MYO3A: variants seen among roughly 807,000 people sequenced by gnomAD.
MYO3A encodes myosin IIIA, also known as myosin-IIIa.
Under a neutral mutation model 192.7 loss-of-function variants are expected in MYO3A, and 180 were observed. That is an observed-to-expected ratio of 0.93 (90% CI 0.83 to 1.06). The LOEUF (loss-of-function observed/expected upper bound fraction) is 1.06, where lower values mean the gene tolerates loss of function less well. Among genes scored for constraint, MYO3A ranks in the 50% least tolerant of loss-of-function variants. The probability of loss-of-function intolerance (pLI) is 0.00; values close to 1 mark genes in which losing one functional copy is unlikely to be tolerated. For synonymous variants in MYO3A, 628 were observed against 645.3 expected (o/e 0.97, Z 0.41); for missense variants, 1,896 against 1,905.0 (o/e 1.00, Z 0.09).
intron 10 of MYO3A, among the ~76,000 whole-genome samples, chr10:26,034,240 A>G (rs1040273851): frequency 2.0e-5 from 3 of 152,300 alleles, no homozygotes; most frequent in East Asian, 1.9e-4. Flanking sequence ...AGTTGGTCCC[A>G]ACTTTGTTTA....
intron 9 of MYO3A, 80 bp from the exon 10 acceptor site, chr10:26,026,297 G>C (rs369203608): frequency 4.0e-6 from 6 of 1,518,852 alleles, no homozygotes; most frequent in South Asian, 3.5e-5. Context: ...TCGTGTGTTA[G>C]ATTAATTTTT....
chr10:26,140,721 A>G (rs1291122909), intron 20 of MYO3A, among the ~76,000 whole-genome samples: 1 of 151,876 alleles, frequency 6.6e-6, no homozygotes, highest in Non-Finnish European at 1.5e-5. Flanking sequence ...ACAAGGGACA[A>G]CTTTGTCCAG....
chr10:26,201,450 G>A (rs1843667015), intron 33 of MYO3A, 145 bp downstream of exon 33: 1 of 443,948 alleles, frequency 2.3e-6, no homozygotes, highest in African/African-American at 2.1e-5. Context: ...GGAGGCCGAG[G>A]CGGGTGGATC....
At chr10:25,968,747 T>G (rs1838416854) in intron 4 of MYO3A, among the ~76,000 whole-genome samples, 1 of 152,254 alleles carries the variant, frequency 6.6e-6, no homozygotes, top group African/African-American at 2.4e-5. Context: ...ATTCACATTT[T>G]CAGTTGTGTG....
At chr10:25,940,808 T>A (rs181368271) in intron 2 of MYO3A, among the ~76,000 whole-genome samples, 329 of 152,328 alleles carry the variant, frequency 2.2e-3, no homozygotes, top group African/African-American at 7.3e-3. Context: ...TTCCTCTGTA[T>A]GTAATAACTC....
chr10:26,205,463 C>CTTTT (rs759042803), intron 34 of MYO3A, among the ~76,000 whole-genome samples: 3 of 98,708 alleles, frequency 3.0e-5, no homozygotes, highest in East Asian at 3.1e-4. Context: ...GTGTGCTTGT[C>CTTTT]TTTTTTTTTT....
At chr10:26,055,910 G>C (rs1844287621) in intron 10 of MYO3A, among the ~76,000 whole-genome samples, 2 of 152,136 alleles carry the variant, frequency 1.3e-5, no homozygotes. Flanking sequence ...CTATTTATTG[G>C]AGTTACTTTT....
intron 23 of MYO3A, 37 bp from the exon 24 acceptor site, chr10:26,153,813 T>A (rs1395195871): frequency 7.5e-7 from 1 of 1,327,518 alleles, no homozygotes; most frequent in Non-Finnish European, 1.1e-6. Context: ...CATTAAGGAT[T>A]CTAAAAGGTA....
chr10:26,058,401 T>C (rs1045458557), intron 10 of MYO3A, among the ~76,000 whole-genome samples: 21 of 152,368 alleles, frequency 1.4e-4, no homozygotes, highest in African/African-American at 4.3e-4. Context: ...AGGACATCTT[T>C]GTTGCTTCCA....
At chr10:25,970,589 A>T (rs1838574943) in intron 4 of MYO3A, among the ~76,000 whole-genome samples, 1 of 139,152 alleles carries the variant, frequency 7.2e-6, no homozygotes, top group African/African-American at 2.6e-5. Flanking sequence ...TAATAAAGAT[A>T]ATAGTAGAAA....
At position 26,120,792 on chromosome 10, in the gene MYO3A, C is replaced by T. The variant is rs576387395; in HGVS notation, c.1893C>T (p.Ala631=). 83 of 1,613,896 alleles carry T rather than the reference C, an allele frequency of 5.1e-5. No individual in the cohort carries two copies. The highest frequency in any genetic ancestry group is 6.7e-5 in the Non-Finnish European group (79 of 1,179,950). The change falls in exon 18 of 35, where the codon GCC becomes GCT. Residue 631 remains alanine (A), a synonymous_variant. Transcript: ENST00000642920. ...AGAGCCACATTTCTAATCATACAGCCCTGGAGAACTGTAAGTTTTATTACC... is the reference window on the plus strand; with the variant it reads ...AGAGCCACATTTCTAATCATACAGCTCTGGAGAACTGTAAGTTTTATTACC... The part of the protein sequence containing the change: ...IDKSHISNHT[A]LENCASLLCI...
At position 26,026,912 on chromosome 10, in the gene MYO3A, G is replaced by A. The variant is rs559563375; in HGVS notation, c.953+380G>A. ...GAGACAGGGTTTCACTGTGTAGCCAGGATGGTCTCGATCTCCTGACCTTGT... is the reference window on the plus strand; with the variant it reads ...GAGACAGGGTTTCACTGTGTAGCCAAGATGGTCTCGATCTCCTGACCTTGT... On this transcript the variant is annotated intron_variant, in intron 10 of 34. Transcript: ENST00000642920. 1.8e-4 allele frequency among the ~76,000 whole-genome samples: 28 copies of A among 152,260 alleles called. 1 individual carries two copies. The highest frequency in any genetic ancestry group is 6.7e-4 in the African/African-American group (28 of 41,546).
chr10:25,971,791 A>G (rs60617605), intron 4 of MYO3A, among the ~76,000 whole-genome samples: 1 of 151,882 alleles, frequency 6.6e-6, no homozygotes, highest in African/African-American at 2.4e-5. Flanking sequence ...TAGGCTTTCA[A>G]CCTTTTTACT....
At position 26,174,411 on chromosome 10, in the gene MYO3A, C is replaced by T. The variant is rs772271324; in HGVS notation, c.4147C>T (p.Pro1383Ser). 2 of 1,614,168 alleles carry T rather than the reference C, an allele frequency of 1.2e-6. No homozygotes were observed. The highest frequency in any genetic ancestry group is 2.2e-5 in the East Asian group (1 of 44,884). Reference protein sequence around the residue: ...SFKHQRIVTTPTEVARNTHNL... With the variant: ...SFKHQRIVTTSTEVARNTHNL... ...TAAGCATCAGAGGATTGTCACAACA[C>T]CAACAGAAGTAGCAAGAAACACTCA... is the stretch of plus-strand genomic sequence containing the variant. Residue 1383 changes from proline to serine, a missense_variant, in exon 30 of 35, where the codon CCA becomes TCA. By Grantham distance (74) the Pro-to-Ser change is moderately conservative. Coordinates refer to ENST00000642920, the MANE Select transcript of MYO3A (RefSeq NM_017433.5).
At chr10:26,014,355 A>G (rs1387527523) in intron 6 of MYO3A, among the ~76,000 whole-genome samples, 4 of 152,122 alleles carry the variant, frequency 2.6e-5, no homozygotes, top group South Asian at 4.1e-4. Context: ...AAAAATGTCA[A>G]CTGTAGAACT....
chr10:26,198,196 C>T (rs185662516), intron 32 of MYO3A, among the ~76,000 whole-genome samples: 317 of 152,128 alleles, frequency 2.1e-3, no homozygotes, highest in African/African-American at 3.5e-3. Context: ...GCGATTCTAG[C>T]GGCCTTAAAA....
At chr10:26,051,295 A>T (rs1843987320) in intron 10 of MYO3A, among the ~76,000 whole-genome samples, 1 of 152,146 alleles carries the variant, frequency 6.6e-6, no homozygotes, top group South Asian at 2.1e-4. Flanking sequence ...AAAATTGGAG[A>T]TTAGAAAGAA....
At position 26,174,189 on chromosome 10, in the gene MYO3A, G is replaced by A. The variant is rs779834550; in HGVS notation, c.3925G>A (p.Val1309Ile). 4.2e-5 allele frequency: 68 copies of A among 1,614,116 alleles called. No individual in the cohort carries two copies. The South Asian group carries it at 6.1e-4, about 15-fold the overall frequency. Residue 1309 changes from valine (V) to isoleucine (I), a missense_variant, in exon 30 of 35, where the codon GTA becomes ATA. By Grantham distance (29) the Val-to-Ile change is conservative. Transcript: ENST00000642920. ...NSMEKEKKTSVVTQRAPICSQ... is the reference protein window; with the variant it reads ...NSMEKEKKTSIVTQRAPICSQ... ...CATGGAAAAAGAAAAGAAGACATCT[G>A]TAGTTACCCAGCGTGCACCGATATG...
intron 4 of MYO3A, among the ~76,000 whole-genome samples, chr10:25,975,090 A>C (rs1488347861): frequency 6.6e-6 from 1 of 152,196 alleles, no homozygotes; most frequent in African/African-American, 2.4e-5. Flanking sequence ...CTAAGTATAC[A>C]TATTCATGAA....
Sources: allele counts gnomAD v4.1 joint callset (sites outside exome capture counted in the v4.1 genomes callset), GRCh38; gene constraint gnomAD v4.1.1; transcripts MANE v1.5; gene names NCBI Gene and HGNC (gene_info 2026-07-23, HGNC 2026-07-21).